Variants in DLC1 observed in about 807,000 individuals in gnomAD.
The protein encoded by DLC1 is rho GTPase-activating protein 7.
A neutral mutation model predicts 140.3 loss-of-function variants in DLC1; 54 were observed. The ratio of observed to expected loss-of-function variants is 0.38; its 90% CI spans 0.31 to 0.48. The LOEUF (loss-of-function observed/expected upper bound fraction) is 0.48, where lower values mean the gene tolerates loss of function less well. Among genes scored for constraint, DLC1 ranks in the 20% least tolerant of loss-of-function variants. The pLI, the probability that DLC1 is intolerant of heterozygous loss-of-function variation, is 0.96. For missense variants in DLC1, 2,536 were observed against 1,907.0 expected, an observed-to-expected ratio of 1.33 and a Z score of -6.14; for synonymous variants, 986 against 728.1, an observed-to-expected ratio of 1.35 and a Z score of -5.70.
chr8:13,263,570 T>A (rs943241954), intron 5 of DLC1, among the ~76,000 whole-genome samples: 14 of 151,050 alleles, frequency 9.3e-5, no homozygotes, highest in African/African-American at 3.1e-4. Flanking sequence ...ATATATGATA[T>A]ATAATACAAA....
intron 5 of DLC1, among the ~76,000 whole-genome samples, chr8:13,249,721 G>T (rs1193201318): frequency 6.6e-6 from 1 of 152,052 alleles, no homozygotes; most frequent in Non-Finnish European, 1.5e-5. Flanking sequence ...TCCTGATTAA[G>T]AAACAACCCA....
intron 5 of DLC1, among the ~76,000 whole-genome samples, chr8:13,154,886 G>T (rs987197312): frequency 2.6e-4 from 40 of 152,208 alleles, no homozygotes; most frequent in African/African-American, 9.6e-4. Flanking sequence ...GTAGATAAGG[G>T]AATCCTATTA....
intron 5 of DLC1, among the ~76,000 whole-genome samples, chr8:13,158,748 GC>G (rs201380600): frequency 0.036 from 497 of 13,758 alleles, 84 homozygotes; most frequent in African/African-American, 0.14. Flanking sequence ...CCCCCCCCCC[GC>G]CCGCCACACA....
At chr8:13,144,636 G>T (rs900879959) in intron 5 of DLC1, among the ~76,000 whole-genome samples, 1 of 152,052 alleles carries the variant, frequency 6.6e-6, no homozygotes, top group Non-Finnish European at 1.5e-5. Flanking sequence ...GTGGTGGTGG[G>T]TGCCTGTAGT....
intron 1 of DLC1, among the ~76,000 whole-genome samples, chr8:13,586,515 G>C (rs1451545306): frequency 6.6e-6 from 1 of 151,126 alleles, no homozygotes; most frequent in East Asian, 2.0e-4. Context: ...TTGGTAGATA[G>C]GTTAGTAACT....
intron 5 of DLC1, among the ~76,000 whole-genome samples, chr8:13,188,117 C>T (rs1292614797): frequency 1.8e-4 from 22 of 123,430 alleles, no homozygotes; most frequent in African/African-American, 6.7e-4. Flanking sequence ...GAGTCTTGCT[C>T]TTGTTGCGCA....
Position 13,092,743 on chromosome 8 carries a change from G to C in DLC1, c.3609C>G (p.Thr1203=). ...LPDENREVLQ[T]LLYFLSDVTA... is the part of the protein sequence containing the mutation. The stretch of plus-strand genomic sequence containing the variant: ...TGACATCGCTCAGGAAATAAAGCAG[G>C]GTCTGCAGAACCTCCCGGTTCTCGT... The change falls in exon 13 of 18, where the codon ACC becomes ACG. Residue 1203 remains threonine, a synonymous_variant. Coordinates refer to ENST00000276297, the MANE Select transcript of DLC1 (RefSeq NM_182643.3). The C allele has an allele frequency of 6.2e-7, 1 of 1,614,090 alleles. No homozygotes were observed. The highest frequency in any genetic ancestry group is 1.3e-5 in the African/African-American group (1 of 75,012).
At chr8:13,297,797 C>A (rs1030116632) in intron 5 of DLC1, among the ~76,000 whole-genome samples, 1 of 152,166 alleles carries the variant, frequency 6.6e-6, no homozygotes, top group Non-Finnish European at 1.5e-5. Context: ...GGATATATCA[C>A]ATTAATCATT....
intron 4 of DLC1, among the ~76,000 whole-genome samples, chr8:13,329,739 C>T (rs754102219): frequency 7.9e-5 from 12 of 152,046 alleles, no homozygotes; most frequent in Non-Finnish European, 1.2e-4. Context: ...GAATGTCATG[C>T]CCTGTTTCTC....
intron 5 of DLC1, among the ~76,000 whole-genome samples, chr8:13,194,579 C>CGGGCAGA (rs1405450104): frequency 6.6e-6 from 1 of 152,178 alleles, no homozygotes; most frequent in African/African-American, 2.4e-5. Flanking sequence ...AAGAAAGCCA[C>CGGGCAGA]GGGCAGAGGC....
chr8:13,586,591 A>G (rs1805323824), intron 1 of DLC1, among the ~76,000 whole-genome samples: 1 of 46,870 alleles, frequency 2.1e-5, no homozygotes, highest in Non-Finnish European at 3.6e-5. Context: ...ATGCACATGC[A>G]CACACACACA....
chr8:13,271,144 T>C (rs1830915731), intron 5 of DLC1, among the ~76,000 whole-genome samples: 1 of 152,354 alleles, frequency 6.6e-6, no homozygotes, highest in African/African-American at 2.4e-5. Flanking sequence ...TCTAGATACA[T>C]GTTCACATTG....
chr8:13,129,163 C>G (rs552375902), intron 5 of DLC1, among the ~76,000 whole-genome samples: 7 of 152,352 alleles, frequency 4.6e-5, no homozygotes, highest in African/African-American at 1.4e-4. Context: ...TGATGGCGCT[C>G]ATTCAACGCA....
intron 2 of DLC1, among the ~76,000 whole-genome samples, chr8:13,455,704 C>T (rs1202159420): frequency 6.6e-6 from 1 of 152,130 alleles, no homozygotes; most frequent in Admixed American, 6.5e-5. Flanking sequence ...TCATTTCAGT[C>T]AAGTTGCATC....
At chr8:13,189,151 C>T (rs941398219) in intron 5 of DLC1, among the ~76,000 whole-genome samples, 2 of 152,070 alleles carry the variant, frequency 1.3e-5, no homozygotes, top group African/African-American at 4.8e-5. Context: ...TATTTCAACT[C>T]TCTCTGCGGA....
At chr8:13,315,791 G>C (rs559924215) in intron 4 of DLC1, among the ~76,000 whole-genome samples, 1 of 152,252 alleles carries the variant, frequency 6.6e-6, no homozygotes, top group South Asian at 2.1e-4. Context: ...AGGTTTGCCT[G>C]GGATAATCTT....
chr8:13,309,655 G>T (rs1388215440), intron 4 of DLC1, among the ~76,000 whole-genome samples: 1 of 152,160 alleles, frequency 6.6e-6, no homozygotes. Context: ...ATGCCACATG[G>T]AAATGTTCTA....
intron 12 of DLC1, among the ~76,000 whole-genome samples, chr8:13,094,119 G>T (rs1327748308): frequency 6.6e-6 from 1 of 152,134 alleles, no homozygotes; most frequent in Non-Finnish European, 1.5e-5. Flanking sequence ...TAGACAAGGT[G>T]GAGACAGAAA....
chr8:13,310,305 A>T (rs1832624017), intron 4 of DLC1, among the ~76,000 whole-genome samples: 1 of 152,300 alleles, frequency 6.6e-6, no homozygotes. Context: ...AATTTTCTTT[A>T]TTTGCCTTTT....
Sources: gnomAD v4.1 joint callset for allele counts (sites outside exome capture counted in the v4.1 genomes callset) on GRCh38, gnomAD v4.1.1 for gene constraint, MANE v1.5 for transcripts, NCBI Gene and HGNC (gene_info 2026-07-23, HGNC 2026-07-21) for gene names.